The following AGBL4 variants were observed in gnomAD, a reference collection of about 807,000 sequenced individuals.
The protein encoded by AGBL4 is cytosolic carboxypeptidase 6.
AGBL4 carries 58 observed loss-of-function variants against 66.4 expected under a neutral mutation model. The observed-to-expected ratio is 0.87, with a 90% CI of 0.71 to 1.09. The LOEUF (loss-of-function observed/expected upper bound fraction) is 1.09. Ranked by LOEUF, AGBL4 falls within the 50% of genes least tolerant of loss-of-function variation. The pLI, the probability that AGBL4 is intolerant of heterozygous loss-of-function variation, is 0.00. For missense variants in AGBL4, 579 were observed against 631.0 expected (o/e 0.92, Z 0.88); for synonymous variants, 234 against 222.9 (o/e 1.05, Z -0.44).
chr1:49,654,529 A>T (rs988402305), intron 3 of AGBL4, among the ~76,000 whole-genome samples: 5 of 151,496 alleles, frequency 3.3e-5, no homozygotes, highest in Non-Finnish European at 7.4e-5. Flanking sequence ...TGGGGGTTAA[A>T]CTCTCCCATT....
chr1:49,978,633 CA>C (rs1340839081), intron 1 of AGBL4, among the ~76,000 whole-genome samples: 1 of 152,124 alleles, frequency 6.6e-6, no homozygotes, highest in Non-Finnish European at 1.5e-5. Flanking sequence ...TCAGAATAAA[CA>C]GGTAAATATT....
At chr1:49,104,561 T>A (rs193277943) in intron 4 of AGBL4, among the ~76,000 whole-genome samples, 1 of 152,212 alleles carries the variant, frequency 6.6e-6, no homozygotes, top group Admixed American at 6.5e-5. Flanking sequence ...ATCAGATAAT[T>A]CAAGTAATTT....
chr1:49,188,658 A>ACACAGATC (rs2148201810), intron 4 of AGBL4, among the ~76,000 whole-genome samples: 1 of 152,298 alleles, frequency 6.6e-6, no homozygotes, highest in Non-Finnish European at 1.5e-5. Context: ...AAGGAGCAGC[A>ACACAGATC]CACAGATCTT....
intron 6 of AGBL4, among the ~76,000 whole-genome samples, chr1:48,670,490 G>A (rs1314678080): frequency 2.6e-5 from 4 of 152,250 alleles, no homozygotes; most frequent in Non-Finnish European, 5.9e-5. Flanking sequence ...GCTGAAAAGT[G>A]ATGAGATACA....
intron 3 of AGBL4, among the ~76,000 whole-genome samples, chr1:49,487,614 T>C (rs1048015538): frequency 6.6e-6 from 1 of 151,928 alleles, no homozygotes; most frequent in African/African-American, 2.4e-5. Flanking sequence ...CCTTCCACCA[T>C]GATTATGTTT....
In AGBL4 at chr1:49,280,903, T is replaced by G. The variant is rs72897747; in HGVS notation, c.283-35039A>C. 8.6e-3 allele frequency among the ~76,000 whole-genome samples: 1,316 copies of G among 152,218 alleles called. 15 individuals carry two copies. Among genetic ancestry groups the G allele is most frequent in the African/African-American group, 0.03 (1,263 of 41,516 alleles). On this transcript the variant is annotated intron_variant, in intron 3 of 13. Coordinates refer to ENST00000371839, the MANE Select transcript of AGBL4 (RefSeq NM_032785.4). ...AATAGACCTATAATTCAATGTCAGA[T>G]AGCAATAATTACAACGAAGAAAAAG... is the stretch of plus-strand genomic sequence containing the variant.
intron 3 of AGBL4, among the ~76,000 whole-genome samples, chr1:49,327,728 C>T (rs1158345061): frequency 1.3e-5 from 2 of 152,178 alleles, no homozygotes; most frequent in Non-Finnish European, 2.9e-5. Flanking sequence ...TCCTAAAGGC[C>T]ACATCTCTTA....
At chr1:48,559,074 A>AT (rs942252342) in intron 11 of AGBL4, among the ~76,000 whole-genome samples, 4 of 152,162 alleles carry the variant, frequency 2.6e-5, no homozygotes, top group African/African-American at 9.7e-5. Context: ...TAGAATATTG[A>AT]TTTTGGTCAC....
At chr1:49,072,564 T>C (rs2147938479) in intron 4 of AGBL4, among the ~76,000 whole-genome samples, 1 of 152,358 alleles carries the variant, frequency 6.6e-6, no homozygotes, top group South Asian at 2.1e-4. Flanking sequence ...ATGTTGAATA[T>C]TGGCCTCCAC....
intron 3 of AGBL4, among the ~76,000 whole-genome samples, chr1:49,488,981 G>A (rs1647129184): frequency 6.6e-6 from 1 of 151,734 alleles, no homozygotes; most frequent in Non-Finnish European, 1.5e-5. Flanking sequence ...CGTGAATAGT[G>A]CTGCAATAAA....
chr1:49,317,093 G>C (rs1363941736), intron 3 of AGBL4, among the ~76,000 whole-genome samples: 1 of 151,764 alleles, frequency 6.6e-6, no homozygotes, highest in Non-Finnish European at 1.5e-5. Flanking sequence ...TATGTATGGA[G>C]AGAAACAAAA....
chr1:49,935,944 A>G (rs1043111208), intron 1 of AGBL4, among the ~76,000 whole-genome samples: 11 of 152,220 alleles, frequency 7.2e-5, no homozygotes, highest in Non-Finnish European at 1.5e-4. Flanking sequence ...CCACCTCCAA[A>G]GGAACACAGT....
intron 3 of AGBL4, among the ~76,000 whole-genome samples, chr1:49,283,762 G>A (rs1644337684): frequency 6.8e-6 from 1 of 147,890 alleles, no homozygotes; most frequent in African/African-American, 2.5e-5. Context: ...TGGAAGAAAG[G>A]GTATCAGCAA....
chr1:49,566,671 A>G (rs1236383743), intron 3 of AGBL4, among the ~76,000 whole-genome samples: 1 of 152,104 alleles, frequency 6.6e-6, no homozygotes, highest in Non-Finnish European at 1.5e-5. Flanking sequence ...TTTGTCTCAG[A>G]GGGGTACCTG....
At chr1:49,282,857 C>A (rs974477133) in intron 3 of AGBL4, among the ~76,000 whole-genome samples, 1 of 152,160 alleles carries the variant, frequency 6.6e-6, no homozygotes, top group African/African-American at 2.4e-5. Flanking sequence ...CCGCACCTGG[C>A]TTGGAGGGTC....
chr1:49,939,927 G>A (rs1438950937), intron 1 of AGBL4, among the ~76,000 whole-genome samples: 1 of 152,070 alleles, frequency 6.6e-6, no homozygotes, highest in African/African-American at 2.4e-5. Flanking sequence ...CTATAAAATG[G>A]GAGAAAATTT....
intron 3 of AGBL4, among the ~76,000 whole-genome samples, chr1:49,460,582 C>G (rs1046388005): frequency 2.6e-5 from 4 of 151,608 alleles, no homozygotes; most frequent in African/African-American, 9.7e-5. Context: ...GCATGTAGGC[C>G]ACTTACATTC....
intron 4 of AGBL4, among the ~76,000 whole-genome samples, chr1:49,228,549 G>A (rs1335091859): frequency 2.0e-5 from 3 of 152,188 alleles, no homozygotes; most frequent in Non-Finnish European, 4.4e-5. Flanking sequence ...TCCAGGCAAA[G>A]GGAATAGCCA....
chr1:49,654,382 G>A (rs1571259084), intron 3 of AGBL4, among the ~76,000 whole-genome samples: 1 of 152,288 alleles, frequency 6.6e-6, no homozygotes, highest in Non-Finnish European at 1.5e-5. Context: ...CTGTGGTTTT[G>A]AGAAGAATGT....
Sources: allele counts gnomAD v4.1 joint callset (sites outside exome capture counted in the v4.1 genomes callset), GRCh38; gene constraint gnomAD v4.1.1; transcripts MANE v1.5; gene names NCBI Gene and HGNC (gene_info 2026-07-23, HGNC 2026-07-21).